Variants in SCHIP1 observed in about 807,000 individuals in gnomAD.
SCHIP1 encodes the protein schwannomin interacting protein 1, also known as schwannomin-interacting protein 1.
A neutral mutation model predicts 29.7 loss-of-function variants in SCHIP1; 8 were observed. The observed-to-expected ratio is 0.27, with a 90% CI of 0.16 to 0.49. The LOEUF (loss-of-function observed/expected upper bound fraction) is 0.49, where lower values mean the gene tolerates loss of function less well. Ranked by LOEUF, SCHIP1 falls within the 20% of genes least tolerant of loss-of-function variation. SCHIP1 has a pLI of 0.99. For synonymous variants in SCHIP1, 76 were observed against 94.9 expected (o/e 0.80, Z 1.16); for missense variants, 193 against 294.6 (o/e 0.66, Z 2.52).
chr3:159,374,372 T>A, the SCHIP1 span, among the ~76,000 whole-genome samples: 2 of 152,078 alleles, frequency 1.3e-5, no homozygotes, highest in African/African-American at 4.8e-5. Context: ...AGAAAACACT[T>A]ACTTAAAAAA....
At chr3:159,622,813 C>A in the SCHIP1 span, among the ~76,000 whole-genome samples, 1 of 152,016 alleles carries the variant, frequency 6.6e-6, no homozygotes, top group Non-Finnish European at 1.5e-5. Context: ...AGCTACTAGG[C>A]AGGCAGAGGC....
the SCHIP1 span, among the ~76,000 whole-genome samples, chr3:159,334,889 T>TTCA: frequency 2.9e-5 from 4 of 137,238 alleles, no homozygotes; most frequent in Non-Finnish European, 6.2e-5. Context: ...CTTTTTCTTC[T>TTCA]TCTTCTTCTT....
chr3:159,282,872 A>G, the SCHIP1 span: 1 of 152,318 alleles, frequency 6.6e-6, no homozygotes, highest in Non-Finnish European at 1.5e-5. Flanking sequence ...ATGAATTTTA[A>G]TATCTAGCAG....
At chr3:159,485,039 G>A in the SCHIP1 span, among the ~76,000 whole-genome samples, 1,274 of 152,212 alleles carry the variant, frequency 8.4e-3, 16 homozygotes, top group African/African-American at 0.028. Context: ...CAGAACAAGC[G>A]CCAGACTTTT....
At chr3:159,853,250 C>T in intron 1 of SCHIP1, 1 of 526,002 alleles carries the variant, frequency 1.9e-6, no homozygotes, top group Non-Finnish European at 3.4e-6. Context: ...ACACACACGG[C>T]CGGGCACAGC....
chr3:159,821,669 TA>T, the SCHIP1 span, among the ~76,000 whole-genome samples: 34 of 152,240 alleles, frequency 2.2e-4, no homozygotes, highest in Admixed American at 2.2e-3. Flanking sequence ...ATTTCACAGA[TA>T]AAAGATTTGG....
chr3:159,370,294 C>G, the SCHIP1 span, among the ~76,000 whole-genome samples: 1 of 152,318 alleles, frequency 6.6e-6, no homozygotes, highest in East Asian at 1.9e-4. Flanking sequence ...ACCATGCACA[C>G]TCCCTCCTTT....
At chr3:159,519,807 A>T in the SCHIP1 span, among the ~76,000 whole-genome samples, 1 of 151,720 alleles carries the variant, frequency 6.6e-6, no homozygotes, top group Non-Finnish European at 1.5e-5. Context: ...GGTAGTGGAT[A>T]TTTACTCTCT....
At chr3:159,513,497 A>ATT in the SCHIP1 span, among the ~76,000 whole-genome samples, 144 of 15,524 alleles carry the variant, frequency 9.3e-3, 1 homozygote, top group African/African-American at 0.24. Flanking sequence ...CATTATTTTA[A>ATT]GGAGACAAAG....
At chr3:159,610,046 A>C in the SCHIP1 span, among the ~76,000 whole-genome samples, 1 of 152,324 alleles carries the variant, frequency 6.6e-6, no homozygotes, top group East Asian at 1.9e-4. Flanking sequence ...TTTAATCCTC[A>C]TAACTTGTAA....
At chr3:159,768,160 T>A in the SCHIP1 span, 1 of 152,160 alleles carries the variant, frequency 6.6e-6, no homozygotes, top group Non-Finnish European at 1.5e-5. Flanking sequence ...CCTTTTTTAA[T>A]GCTTAAAATA....
the SCHIP1 span, among the ~76,000 whole-genome samples, chr3:159,648,601 T>C: frequency 6.6e-6 from 1 of 152,116 alleles, no homozygotes; most frequent in Non-Finnish European, 1.5e-5. Flanking sequence ...ATCTTTCCCT[T>C]TTATGCTGGA....
the SCHIP1 span, among the ~76,000 whole-genome samples, chr3:159,384,492 A>C: frequency 7.7e-6 from 1 of 129,248 alleles, no homozygotes; most frequent in Non-Finnish European, 1.7e-5. Flanking sequence ...TTTTTGATGC[A>C]CTGCTGGATT....
At chr3:159,740,771 G>GAAAAAAAAAAAAAAAAAAA in the SCHIP1 span, among the ~76,000 whole-genome samples, 13 of 104,828 alleles carry the variant, frequency 1.2e-4, no homozygotes, top group Non-Finnish European at 1.6e-4. Flanking sequence ...CAAAAAAAAA[G>GAAAAAAAAAAAAAAAAAAA]AAAAAAAAAA....
At chr3:159,892,269 A>C (rs1449136846) in intron 6 of SCHIP1, 79 bp downstream of exon 7, 22 of 1,525,994 alleles carry the variant, frequency 1.4e-5, no homozygotes, top group Non-Finnish European at 1.9e-5. Flanking sequence ...AAACTAGCTC[A>C]AGAGAACTTC....
At chr3:159,828,072 T>C in the SCHIP1 span, among the ~76,000 whole-genome samples, 1 of 151,642 alleles carries the variant, frequency 6.6e-6, no homozygotes, top group African/African-American at 2.4e-5. Context: ...ATTGTTATAT[T>C]GTATTGCTGA....
the SCHIP1 span, among the ~76,000 whole-genome samples, chr3:159,328,250 T>A: frequency 6.6e-6 from 1 of 152,218 alleles, no homozygotes; most frequent in Non-Finnish European, 1.5e-5. Flanking sequence ...TATTTTTTTT[T>A]ATGACAGAAA....
At chr3:159,854,522 G>A (rs539074436) in intron 1 of SCHIP1, among the ~76,000 whole-genome samples, 47 of 152,166 alleles carry the variant, frequency 3.1e-4, no homozygotes, top group Non-Finnish European at 5.9e-4. Context: ...TGCCGTTTGT[G>A]TTTTTCATCC....
chr3:159,417,350 G>A, the SCHIP1 span, among the ~76,000 whole-genome samples: 2 of 152,010 alleles, frequency 1.3e-5, no homozygotes, highest in African/African-American at 4.8e-5. Context: ...CAATCACTCG[G>A]GATCTCATAA....
Sources: allele counts gnomAD v4.1 joint callset (sites outside exome capture counted in the v4.1 genomes callset), GRCh38; gene constraint gnomAD v4.1.1; transcripts MANE v1.5; gene names NCBI Gene and HGNC (gene_info 2026-07-23, HGNC 2026-07-21).